BNC2: variants seen among roughly 807,000 people sequenced by gnomAD.
The protein encoded by BNC2 is zinc finger protein basonuclin-2.
A neutral mutation model predicts 76.3 loss-of-function variants in BNC2; 20 were observed. The observed-to-expected ratio is 0.26, with a 90% CI of 0.18 to 0.38. The LOEUF is 0.38. Among genes scored for constraint, BNC2 ranks in the 10% least tolerant of loss-of-function variants. BNC2 has a pLI of 1.00. For missense variants in BNC2, 1,382 were observed against 1,399.8 expected, an observed-to-expected ratio of 0.99 and a Z score of 0.20; for synonymous variants, 582 against 514.8, an observed-to-expected ratio of 1.13 and a Z score of -1.77.
chr9:16,528,627 A>G (rs536940852), intron 5 of BNC2, among the ~76,000 whole-genome samples: 6 of 152,356 alleles, frequency 3.9e-5, no homozygotes, highest in African/African-American at 1.4e-4. Flanking sequence ...TGACCTGGCA[A>G]TTCTACTTCT....
rs1011063061 is a variant in BNC2 at position 16,851,098 on chromosome 9, A to C, written c.3+19548T>G. On this transcript the variant is annotated intron_variant, in intron 1 of 6. Transcript: ENST00000380672. Reference sequence around the variant, plus strand: ...TTATTTGTGGTTTTCAAATTTCCTTAGTGTATTCATTAGTATAGTAATTAT... The same window carrying C: ...TTATTTGTGGTTTTCAAATTTCCTTCGTGTATTCATTAGTATAGTAATTAT... Among the ~76,000 whole-genome samples the C allele has an allele frequency of 2.6e-5, 4 of 152,176 alleles. No homozygotes were observed. The South Asian group carries it at 8.3e-4, about 32-fold the overall frequency.
chr9:16,661,489 T>A (rs1822109856), intron 3 of BNC2, among the ~76,000 whole-genome samples: 1 of 152,148 alleles, frequency 6.6e-6, no homozygotes, highest in African/African-American at 2.4e-5. Context: ...AAGGTATGTA[T>A]TATAGAAGAC....
chr9:16,815,810 G>T (rs570745891), intron 1 of BNC2, among the ~76,000 whole-genome samples: 2 of 152,244 alleles, frequency 1.3e-5, no homozygotes, highest in African/African-American at 4.8e-5. Flanking sequence ...GCAAAAACTG[G>T]TAAGGGGCAT....
chr9:16,514,068 T>C (rs1474351584), intron 5 of BNC2, among the ~76,000 whole-genome samples: 1 of 152,192 alleles, frequency 6.6e-6, no homozygotes, highest in Non-Finnish European at 1.5e-5. Context: ...TTCTCTGAGA[T>C]GGCAGGATGT....
intron 1 of BNC2, among the ~76,000 whole-genome samples, chr9:16,802,214 G>A (rs1409576765): frequency 6.6e-6 from 1 of 152,186 alleles, no homozygotes; most frequent in East Asian, 1.9e-4. Flanking sequence ...CTGTCATGTT[G>A]AATAGCATGA....
At chr9:16,456,306 A>G (rs1475625546) in intron 5 of BNC2, among the ~76,000 whole-genome samples, 3 of 152,124 alleles carry the variant, frequency 2.0e-5, no homozygotes, top group Non-Finnish European at 4.4e-5. Context: ...CTATAAATTC[A>G]CATGTTCTAT....
At chr9:16,850,997 T>G (rs1819114562) in intron 1 of BNC2, among the ~76,000 whole-genome samples, 1 of 151,884 alleles carries the variant, frequency 6.6e-6, no homozygotes, top group African/African-American at 2.4e-5. Flanking sequence ...CCAAGAGCAT[T>G]TTAAGCTATG....
At position 16,435,613 on chromosome 9, in the gene BNC2, G is replaced by T; in HGVS notation, c.2581C>A (p.His861Asn). The change falls in exon 6 of 7, where the codon CAC becomes AAC. Residue 861 changes from histidine to asparagine, a missense_variant. This residue lies in a region of BNC2 where 798 missense variants were observed against 775.5 expected (regional missense o/e 1.03). Coordinates refer to ENST00000380672, the MANE Select transcript of BNC2 (RefSeq NM_017637.6). ...TTGCAACCAGCCACTGTGCAGACGT[G>T]CATCTCTTTCAAGTGAACGTTCCTG... ...HYRNVHLKEMHVCTVAGCNAA... is the reference protein window; with the variant it reads ...HYRNVHLKEMNVCTVAGCNAA... 1 of 1,614,154 alleles carries T rather than the reference G, an allele frequency of 6.2e-7. No homozygotes were observed. The highest frequency in any genetic ancestry group is 8.5e-7 in the Non-Finnish European group (1 of 1,180,026).
chr9:16,799,448 G>C (rs906672919), intron 1 of BNC2, among the ~76,000 whole-genome samples: 1 of 152,062 alleles, frequency 6.6e-6, no homozygotes, highest in Admixed American at 6.5e-5. Flanking sequence ...CCAAGTAGCT[G>C]GGATTACCAG....
intron 4 of BNC2, among the ~76,000 whole-genome samples, chr9:16,556,817 T>C (rs962772321): frequency 4.6e-5 from 7 of 151,592 alleles, no homozygotes; most frequent in Middle Eastern, 3.2e-3. Context: ...AGCATAAACA[T>C]ATCATCAAAG....
intron 1 of BNC2, among the ~76,000 whole-genome samples, chr9:16,848,821 G>A (rs1376357292): frequency 6.6e-6 from 1 of 152,136 alleles, no homozygotes; most frequent in Non-Finnish European, 1.5e-5. Context: ...CATGTCCTAA[G>A]TGGAAAATTC....
chr9:16,450,138 C>T (rs1821310881), intron 5 of BNC2, among the ~76,000 whole-genome samples: 1 of 152,132 alleles, frequency 6.6e-6, no homozygotes, highest in Non-Finnish European at 1.5e-5. Context: ...TAAACAGGTT[C>T]AGAAACAATG....
At chr9:16,596,219 A>G (rs1820069584) in intron 3 of BNC2, among the ~76,000 whole-genome samples, 1 of 152,138 alleles carries the variant, frequency 6.6e-6, no homozygotes, top group African/African-American at 2.4e-5. Context: ...AGTGTAGAGG[A>G]AGAAATAAAA....
At chr9:16,799,753 T>C (rs557108804) in intron 1 of BNC2, among the ~76,000 whole-genome samples, 2 of 152,346 alleles carry the variant, frequency 1.3e-5, no homozygotes, top group East Asian at 3.9e-4. Context: ...CAAGTCCTTC[T>C]ACTGGAACAC....
chr9:16,843,215 G>C (rs1462166705), intron 1 of BNC2, among the ~76,000 whole-genome samples: 1 of 152,148 alleles, frequency 6.6e-6, no homozygotes, highest in Non-Finnish European at 1.5e-5. Context: ...TTCAAATTCA[G>C]GTCTTTACAA....
chr9:16,458,151 A>T (rs1587051038), intron 5 of BNC2, among the ~76,000 whole-genome samples: 1 of 152,204 alleles, frequency 6.6e-6, no homozygotes, highest in Admixed American at 6.5e-5. Flanking sequence ...AAGGGGGAAA[A>T]CCCCTACCAT....
chr9:16,524,245 A>G (rs1222947598), intron 5 of BNC2, among the ~76,000 whole-genome samples: 2 of 152,200 alleles, frequency 1.3e-5, no homozygotes, highest in African/African-American at 4.8e-5. Flanking sequence ...GACTGATGAA[A>G]CTGTAATGAA....
chr9:16,613,062 T>C (rs532076813), intron 3 of BNC2, among the ~76,000 whole-genome samples: 1 of 152,264 alleles, frequency 6.6e-6, no homozygotes, highest in East Asian at 1.9e-4. Context: ...ATATGAGTTA[T>C]AGCAAGGAGA....
At chr9:16,587,965 G>A (rs953649438) in intron 3 of BNC2, among the ~76,000 whole-genome samples, 8 of 152,108 alleles carry the variant, frequency 5.3e-5, no homozygotes, top group African/African-American at 1.7e-4. Context: ...TGTGATTATC[G>A]ATATGGGTTT....
Sources: gnomAD v4.1 joint callset for allele counts (sites outside exome capture counted in the v4.1 genomes callset) on GRCh38, gnomAD v4.1.1 for gene constraint, gnomAD v4.1.1 regional missense constraint, MANE v1.5 for transcripts, NCBI Gene and HGNC (gene_info 2026-07-23, HGNC 2026-07-21) for gene names.